PLEKHG1: variants seen among roughly 807,000 people sequenced by gnomAD.
PLEKHG1 encodes the protein pleckstrin homology and RhoGEF domain containing G1.
A neutral mutation model predicts 100.8 loss-of-function variants in PLEKHG1; 44 were observed. The observed-to-expected ratio is 0.44, with a 90% CI of 0.34 to 0.56. The LOEUF (loss-of-function observed/expected upper bound fraction) is 0.56. Among genes scored for constraint, PLEKHG1 ranks in the 20% least tolerant of loss-of-function variants. The pLI is 0.01. For synonymous variants in PLEKHG1, 640 were observed against 662.5 expected, an observed-to-expected ratio of 0.97 and a Z score of 0.52; for missense variants, 1,545 against 1,720.9, an observed-to-expected ratio of 0.90 and a Z score of 1.81.
chr6:150,821,890 A>G (rs1347615145), intron 13 of PLEKHG1, among the ~76,000 whole-genome samples: 2 of 150,078 alleles, frequency 1.3e-5, no homozygotes, highest in African/African-American at 4.9e-5. Context: ...TGCCCAGGCT[A>G]GAGTGCAATA....
chr6:150,681,328 A>G (rs1479846681), intron 3 of PLEKHG1, among the ~76,000 whole-genome samples: 2 of 151,964 alleles, frequency 1.3e-5, no homozygotes, highest in African/African-American at 4.8e-5. Flanking sequence ...CCTGACCAAC[A>G]TGGTGAAAAC....
chr6:150,711,956 T>C (rs572334587), intron 3 of PLEKHG1, among the ~76,000 whole-genome samples: 1 of 152,314 alleles, frequency 6.6e-6, no homozygotes, highest in Admixed American at 6.5e-5. Context: ...TGACTGCATA[T>C]GAAGTCAAAC....
intron 1 of PLEKHG1, among the ~76,000 whole-genome samples, chr6:150,630,697 C>T (rs1487064179): frequency 2.0e-5 from 3 of 152,016 alleles, no homozygotes; most frequent in East Asian, 1.9e-4. Flanking sequence ...GAGAGGGGGC[C>T]GGTGTGGAAA....
chr6:150,812,986 T>C (rs1787618344), intron 10 of PLEKHG1, among the ~76,000 whole-genome samples: 1 of 151,854 alleles, frequency 6.6e-6, no homozygotes, highest in Non-Finnish European at 1.5e-5. Flanking sequence ...AGCAGGGGTG[T>C]CTGAGGGAAA....
At chr6:150,794,838 ATCC>A (rs1786221809) in intron 4 of PLEKHG1, among the ~76,000 whole-genome samples, 1 of 152,128 alleles carries the variant, frequency 6.6e-6, no homozygotes, top group Admixed American at 6.5e-5. Flanking sequence ...TTATTATACC[ATCC>A]TCTCTACTTT....
chr6:150,761,254 C>T (rs1457920873), intron 2 of PLEKHG1, among the ~76,000 whole-genome samples: 3 of 150,502 alleles, frequency 2.0e-5, no homozygotes, highest in Admixed American at 6.6e-5. Flanking sequence ...TACAGGGATG[C>T]GCCACCATGC....
intron 3 of PLEKHG1, among the ~76,000 whole-genome samples, chr6:150,782,733 A>C (rs1356344982): frequency 6.6e-6 from 1 of 152,240 alleles, no homozygotes; most frequent in Non-Finnish European, 1.5e-5. Flanking sequence ...TACTCTTCTC[A>C]CTAAATTTTT....
At chr6:150,628,671 A>G (rs1211932381) in intron 1 of PLEKHG1, among the ~76,000 whole-genome samples, 2 of 152,094 alleles carry the variant, frequency 1.3e-5, no homozygotes, top group African/African-American at 4.8e-5. Context: ...TCATTTAGTT[A>G]AATGGAGTTG....
chr6:150,811,789 G>A (rs559225235), intron 10 of PLEKHG1, among the ~76,000 whole-genome samples: 4 of 152,286 alleles, frequency 2.6e-5, no homozygotes, highest in South Asian at 2.1e-4. Flanking sequence ...TGTGCTCTGA[G>A]GAATCTGGAC....
At chr6:150,674,770 C>T (rs1277107013) in intron 3 of PLEKHG1, among the ~76,000 whole-genome samples, 2 of 151,524 alleles carry the variant, frequency 1.3e-5, no homozygotes, top group Admixed American at 1.3e-4. Context: ...GCAACCTCCA[C>T]CTCCTGGATT....
exon 16 of PLEKHG1, chr6:150,840,141 T>G (rs760110092): frequency 1.1e-5 from 18 of 1,614,204 alleles, no homozygotes; most frequent in Non-Finnish European, 1.5e-5. Flanking sequence ...TCTTCAAACC[T>G]CTGACCCTCT....
At chr6:150,728,517 A>T (rs1782072078) in intron 1 of PLEKHG1, among the ~76,000 whole-genome samples, 1 of 152,096 alleles carries the variant, frequency 6.6e-6, no homozygotes, top group Non-Finnish European at 1.5e-5. Context: ...TGAACCCAGG[A>T]GTGAGCCATG....
intron 1 of PLEKHG1, among the ~76,000 whole-genome samples, chr6:150,725,681 T>C (rs771212231): frequency 1.1e-4 from 16 of 152,144 alleles, no homozygotes; most frequent in Non-Finnish European, 2.2e-4. Context: ...CTTTTTGCTG[T>C]TGTTGCCTGT....
chr6:150,693,799 C>T (rs1780436279), intron 3 of PLEKHG1, among the ~76,000 whole-genome samples: 1 of 152,142 alleles, frequency 6.6e-6, no homozygotes, highest in African/African-American at 2.4e-5. Context: ...AATCTTTGCA[C>T]AAGGCTATGA....
intron 3 of PLEKHG1, 172 bp downstream of exon 2, chr6:150,650,958 C>A (rs1778705968): frequency 6.6e-6 from 1 of 152,114 alleles, no homozygotes. Context: ...TTCCAAGCGC[C>A]CCGTGGATGC....
At chr6:150,652,393 G>A (rs1778783104) in intron 3 of PLEKHG1, among the ~76,000 whole-genome samples, 2 of 152,158 alleles carry the variant, frequency 1.3e-5, no homozygotes, top group Non-Finnish European at 2.9e-5. Flanking sequence ...ATTTAGTCTG[G>A]TAAGCATAGT....
intron 3 of PLEKHG1, among the ~76,000 whole-genome samples, chr6:150,667,308 AAG>A (rs1219667180): frequency 2.0e-5 from 3 of 152,210 alleles, no homozygotes; most frequent in Non-Finnish European, 4.4e-5. Flanking sequence ...TTTTTTTAAA[AAG>A]AGTTTCTACA....
rs1230434760 is a variant in PLEKHG1 at position 150,695,907 on chromosome 6, G to A, written c.-98-37677G>A. On this transcript the variant is annotated intron_variant, in intron 3 of 3. Coordinates refer to the PLEKHG1 transcript ENST00000367326. ...GCTGTGAAATGACTAAGTAGATGTT[G>A]TTAAGTCATACTCGTCAGGAAGAAA... is the stretch of plus-strand genomic sequence containing the variant. Among the ~76,000 whole-genome samples the A allele has an allele frequency of 3.3e-5, 5 of 152,240 alleles. 1 individual carries two copies. In the East Asian group the frequency reaches 9.6e-4, roughly 29 times the overall value.
chr6:150,657,721 A>G (rs1026188806), intron 3 of PLEKHG1, among the ~76,000 whole-genome samples: 1 of 152,232 alleles, frequency 6.6e-6, no homozygotes, highest in Non-Finnish European at 1.5e-5. Context: ...ATAGAATGTC[A>G]TAGCCCCATG....
Sources: allele counts gnomAD v4.1 joint callset (sites outside exome capture counted in the v4.1 genomes callset), GRCh38; gene constraint gnomAD v4.1.1; transcripts MANE v1.5; gene names NCBI Gene and HGNC (gene_info 2026-07-23, HGNC 2026-07-21).